PPP1R3B: variants seen among roughly 807,000 people sequenced by gnomAD.
PPP1R3B encodes the protein PP1 subunit R4.
A neutral mutation model predicts 14.6 loss-of-function variants in PPP1R3B; 8 were observed. That is an observed-to-expected ratio of 0.55 (90% CI 0.32 to 0.99). The LOEUF (loss-of-function observed/expected upper bound fraction) is 0.99. PPP1R3B is among the 50% of genes least tolerant of loss of function. The probability of loss-of-function intolerance (pLI) is 0.04; values close to 1 mark genes in which losing one functional copy is unlikely to be tolerated. For synonymous variants in PPP1R3B, 169 were observed against 142.0 expected (o/e 1.19, Z -1.35); for missense variants, 452 against 360.1 (o/e 1.26, Z -2.07).
chr8:9,145,927 T>G (rs953325879), intron 1 of PPP1R3B, among the ~76,000 whole-genome samples: 1 of 152,052 alleles, frequency 6.6e-6, no homozygotes, highest in Non-Finnish European at 1.5e-5. Flanking sequence ...TGGAGTGCAG[T>G]GGTGCAATCA....
intron 1 of PPP1R3B, among the ~76,000 whole-genome samples, chr8:9,142,096 T>G (rs991982468): frequency 3.0e-4 from 46 of 152,184 alleles, no homozygotes; most frequent in African/African-American, 1.1e-3. Flanking sequence ...TGAGGGACAC[T>G]ATTTATTTAC....
At position 9,136,396 on chromosome 8, in the gene PPP1R3B, A is replaced by T. The variant is rs1800890415; in HGVS notation, c.*4398T>A. The T allele has an allele frequency of 1.3e-5, 2 of 152,250 alleles. No individual in the cohort carries two copies. The highest frequency in any genetic ancestry group is 6.5e-5 in the Admixed American group (1 of 15,284). The allele number at this position is 152,250 out of a possible 1,614,324, so 9.4% of individuals were successfully genotyped here. A position where few individuals can be genotyped will look rare whatever the true frequency, so the allele number is the denominator to read the frequency against. ...TGTACAAAAATATTTATCTTTTAAA[A>T]CATGCAAAAATTTCTTGACAAGGCA... On this transcript the variant is annotated 3_prime_UTR_variant, in exon 2 of 2. Transcript: ENST00000310455.
intron 1 of PPP1R3B, among the ~76,000 whole-genome samples, chr8:9,144,096 T>C (rs1801164793): frequency 6.6e-6 from 1 of 152,092 alleles, no homozygotes; most frequent in South Asian, 2.1e-4. Context: ...TTCAACCTTA[T>C]TATTAATTTA....
chr8:9,149,528 A>G (rs1485815054), intron 1 of PPP1R3B, among the ~76,000 whole-genome samples: 1 of 152,206 alleles, frequency 6.6e-6, no homozygotes, highest in Non-Finnish European at 1.5e-5. Context: ...AAACCAAACA[A>G]ACAAAAAAAT....
rs1378501861 is a variant in PPP1R3B, at chr8:9,140,393, G to C, written c.*401C>G. The C allele has an allele frequency of 1.3e-5, 3 of 234,966 alleles. No homozygotes were observed. The highest frequency in any genetic ancestry group is 2.5e-5 in the Non-Finnish European group (3 of 118,342). The allele number at this position is 234,966 out of a possible 1,614,324, so 14.6% of individuals were successfully genotyped here. On this transcript the variant is annotated 3_prime_UTR_variant, in exon 2 of 2. Coordinates refer to ENST00000310455, the MANE Select transcript of PPP1R3B (RefSeq NM_024607.4). ...CAAAGATGAACACAATGAACAGTGAGGGTCTCACGCGAGGTGGCTGGGGCT... is the reference window on the plus strand; with the variant it reads ...CAAAGATGAACACAATGAACAGTGACGGTCTCACGCGAGGTGGCTGGGGCT...
rs186619827 is a variant in PPP1R3B, at chr8:9,141,289, G to T, written c.363C>A (p.Tyr121Ter). Residue 121 changes from tyrosine to a stop codon, truncating the protein, a stop_gained, in exon 2 of 2, where the codon TAC becomes TAA. Coordinates refer to ENST00000310455, the MANE Select transcript of PPP1R3B (RefSeq NM_024607.4). LOFTEE classifies it high-confidence loss of function. ...VLDFSQPSADYLDFRNRLQAD... is the reference protein window; with the variant it reads ...VLDFSQPSAD ...CCTGAAGTCGATTTCTAAAGTCTAA[G>T]TAATCTGCAGAGGGCTGGGAAAAAT... The T allele has an allele frequency of 6.2e-7, 1 of 1,614,158 alleles. No homozygotes were observed. The highest frequency in any genetic ancestry group is 2.2e-5 in the East Asian group (1 of 44,888).
intron 1 of PPP1R3B, among the ~76,000 whole-genome samples, chr8:9,143,171 T>C (rs6998837): frequency 0.036 from 5,451 of 152,262 alleles, 242 homozygotes; most frequent in South Asian, 0.17. Context: ...CCAATACTTA[T>C]TTTCTTTGGT....
upstream of PPP1R3B, chr8:9,151,252 G>T (rs1462461237): frequency 6.5e-6 from 1 of 152,848 alleles, no homozygotes; most frequent in East Asian, 1.9e-4. Context: ...CGGTGAAAAT[G>T]TAGGTGACAG....
Position 9,137,164 on chromosome 8 carries a change from T to C in PPP1R3B, c.*3630A>G, listed in dbSNP as rs935091360. 2.0e-5 allele frequency: 3 copies of C among 152,210 alleles called. No homozygotes were observed. The highest frequency in any genetic ancestry group is 2.9e-5 in the Non-Finnish European group (2 of 68,024). 9.4% of individuals were successfully genotyped at this position (152,210 alleles called of 1,614,324 possible). A position where few individuals can be genotyped will look rare whatever the true frequency, so the allele number is the denominator to read the frequency against. On this transcript the variant is annotated 3_prime_UTR_variant, in exon 2 of 2. Coordinates refer to ENST00000310455, the MANE Select transcript of PPP1R3B (RefSeq NM_024607.4). ...CTTCATTATTTCTCACCAGCTCCAGTAGAATAATTTTTTAAATAAAGAAAC... is the reference window on the plus strand; with the variant it reads ...CTTCATTATTTCTCACCAGCTCCAGCAGAATAATTTTTTAAATAAAGAAAC...
At chr8:9,148,558 TTC>T (rs938675923) in intron 1 of PPP1R3B, among the ~76,000 whole-genome samples, 1 of 152,202 alleles carries the variant, frequency 6.6e-6, no homozygotes, top group African/African-American at 2.4e-5. Flanking sequence ...AGGGATCAGT[TTC>T]TCTGGTGAGA....
At position 9,140,584 on chromosome 8, in the gene PPP1R3B, A is replaced by G; in HGVS notation, c.*210T>C. The stretch of plus-strand genomic sequence containing the variant: ...ACAGTGCGAAAGCGCGCCAGCCACC[A>G]CTGCTCCTTTGAGTGAGACACTGGT... On this transcript the variant is annotated 3_prime_UTR_variant, in exon 2 of 2. Coordinates refer to ENST00000310455, the MANE Select transcript of PPP1R3B (RefSeq NM_024607.4). 1.6e-6 allele frequency: 1 copy of G among 607,938 alleles called. No homozygotes were observed. Among genetic ancestry groups the G allele is most frequent in the Non-Finnish European group, 2.8e-6 (1 of 352,680 alleles). 37.7% of individuals were successfully genotyped at this position (607,938 alleles called of 1,614,324 possible). A position where few individuals can be genotyped will look rare whatever the true frequency, so the allele number is the denominator to read the frequency against.
intron 1 of PPP1R3B, among the ~76,000 whole-genome samples, chr8:9,145,620 C>G (rs367783702): frequency 3.3e-5 from 5 of 152,198 alleles, no homozygotes; most frequent in East Asian, 3.9e-4. Flanking sequence ...GGGGGCTAGG[C>G]TCCCCTAGAC....
chr8:9,147,040 T>C (rs1585344076), intron 1 of PPP1R3B, among the ~76,000 whole-genome samples: 1 of 151,938 alleles, frequency 6.6e-6, no homozygotes, highest in Non-Finnish European at 1.5e-5. Flanking sequence ...TGGAGTGCCG[T>C]GGCGCAATCT....
At chr8:9,144,830 C>CAG (rs1208585732) in intron 1 of PPP1R3B, among the ~76,000 whole-genome samples, 109 of 152,278 alleles carry the variant, frequency 7.2e-4, no homozygotes, top group African/African-American at 2.6e-3. Flanking sequence ...ACTGCAACCT[C>CAG]CACCTCCCAG....
At chr8:9,146,108 A>G (rs1398065798) in intron 1 of PPP1R3B, among the ~76,000 whole-genome samples, 3 of 152,178 alleles carry the variant, frequency 2.0e-5, no homozygotes, top group African/African-American at 7.2e-5. Context: ...AGCTCAAGCA[A>G]TCCTCCCGCT....
intron 1 of PPP1R3B, among the ~76,000 whole-genome samples, chr8:9,144,834 C>G (rs549726765): frequency 6.6e-6 from 1 of 151,932 alleles, no homozygotes; most frequent in Admixed American, 6.6e-5. Context: ...CAACCTCCAC[C>G]TCCCAGGTTC....
chr8:9,145,146 A>ATG (rs1207095043), intron 1 of PPP1R3B: 3 of 152,082 alleles, frequency 2.0e-5, no homozygotes, highest in African/African-American at 7.2e-5. Context: ...ATGTCTACAT[A>ATG]TGTATATATA....
In PPP1R3B at chr8:9,136,997, A is replaced by C. The variant is rs1386184213; in HGVS notation, c.*3797T>G. The C allele has an allele frequency of 3.3e-5, 5 of 152,334 alleles. No homozygotes were observed. Among genetic ancestry groups the C allele is most frequent in the Non-Finnish European group, 7.3e-5 (5 of 68,028 alleles). The allele number at this position is 152,334 out of a possible 1,614,324, so 9.4% of individuals were successfully genotyped here. ...AAGAAAATGGTTTGAAAAGATCAAA[A>C]CCACAGAGCAATCTCCTAACAGTTC... On this transcript the variant is annotated 3_prime_UTR_variant, in exon 2 of 2. Coordinates refer to ENST00000310455, the MANE Select transcript of PPP1R3B (RefSeq NM_024607.4).
chr8:9,142,036 A>G (rs1801107744), intron 1 of PPP1R3B, among the ~76,000 whole-genome samples: 1 of 152,234 alleles, frequency 6.6e-6, no homozygotes, highest in Admixed American at 6.5e-5. Flanking sequence ...CTGTTTTAAA[A>G]TTTCCCAAAT....
Sources: allele counts gnomAD v4.1 joint callset (sites outside exome capture counted in the v4.1 genomes callset), GRCh38; gene constraint gnomAD v4.1.1; transcripts MANE v1.5; gene names NCBI Gene and HGNC (gene_info 2026-07-23, HGNC 2026-07-21).